Variants in ADPRH observed in about 807,000 individuals in gnomAD.
ADPRH encodes ADP-ribose-L-arginine cleaving enzyme.
In ADPRH, 27 loss-of-function variants were observed where a neutral mutation model predicts 28.8. That is an observed-to-expected ratio of 0.94 (90% CI 0.69 to 1.29). The LOEUF (loss-of-function observed/expected upper bound fraction) is 1.29. Ranked by LOEUF, ADPRH falls within the 50% of genes most tolerant of loss-of-function variation. ADPRH has a pLI of 0.00. For synonymous variants in ADPRH, 161 were observed against 166.9 expected (o/e 0.96, Z 0.27); for missense variants, 419 against 444.8 (o/e 0.94, Z 0.52).
At chr3:119,585,361 A>G (rs2082448334) in intron 3 of ADPRH, among the ~76,000 whole-genome samples, 1 of 152,080 alleles carries the variant, frequency 6.6e-6, no homozygotes. Context: ...AGGTCGGGGG[A>G]CAAGCCTGCT....
chr3:119,584,877 C>G lies in ADPRH; in HGVS notation c.299-1408C>G, dbSNP rs573952870. 5.9e-5 allele frequency among the ~76,000 whole-genome samples: 9 copies of G among 152,294 alleles called. 2 individuals are homozygous for G. In the South Asian group the frequency reaches 1.9e-3, roughly 32 times the overall value. Reference sequence around the variant, plus strand: ...GCAGATGGCTGCCTCCTCGCTGTGTCCTCACATGGTCTTTCCTCTGTGTGC... The same window carrying G: ...GCAGATGGCTGCCTCCTCGCTGTGTGCTCACATGGTCTTTCCTCTGTGTGC... On this transcript the variant is annotated intron_variant, in intron 3 of 4. Transcript: ENST00000357003.
At chr3:119,583,418 T>TC (rs2082425925) in intron 3 of ADPRH, among the ~76,000 whole-genome samples, 1 of 152,182 alleles carries the variant, frequency 6.6e-6, no homozygotes, top group Admixed American at 6.5e-5. Context: ...GATATGCTAA[T>TC]TAGCCTGATC....
In ADPRH at chr3:119,586,506, G is replaced by C; in HGVS notation, c.520G>C (p.Ala174Pro). 1.2e-6 allele frequency: 2 copies of C among 1,614,202 alleles called. No homozygotes were observed. Among genetic ancestry groups the C allele is most frequent in the South Asian group, 1.1e-5 (1 of 91,084 alleles). The change falls in exon 4 of 5, where the codon GCG (alanine) becomes CCG (proline). Residue 174 changes from alanine to proline, a missense_variant. Physicochemically the swap from Ala to Pro is conservative, Grantham distance 27 (BLOSUM62 -1). Coordinates refer to ENST00000357003, the MANE Select transcript of ADPRH (RefSeq NM_001125.4). ...HHPTGYLGAL[A>P]SALFTAYAVN... ...CCCAACAGGCTACCTGGGGGCCCTT[G>C]CGTCTGCTCTTTTTACAGCCTATGC...
chr3:119,580,920 A>G (rs977179038), intron 2 of ADPRH, among the ~76,000 whole-genome samples: 1 of 152,174 alleles, frequency 6.6e-6, no homozygotes, highest in African/African-American at 2.4e-5. Flanking sequence ...TAAGAGAAAC[A>G]ATATTTAAAC....
Position 119,589,535 on chromosome 3 carries a change from T to C in ADPRH, c.*1657T>C, listed in dbSNP as rs1440489900. On this transcript the variant is annotated 3_prime_UTR_variant, in exon 5 of 5. Transcript: ENST00000357003. Reference sequence around the variant, plus strand: ...ATGTTTTTCCAAGTCCTTCCAGTCTTTTTAGAACGTGGTGGAGGAGGGTTG... The same window carrying C: ...ATGTTTTTCCAAGTCCTTCCAGTCTCTTTAGAACGTGGTGGAGGAGGGTTG... 2.6e-5 allele frequency: 4 copies of C among 152,214 alleles called. No individual in the cohort carries two copies. Among genetic ancestry groups the C allele is most frequent in the African/African-American group, 4.8e-5 (2 of 41,444 alleles). 9.4% of individuals were successfully genotyped at this position (152,214 alleles called of 1,614,324 possible).
At chr3:119,582,075 T>C (rs2107759215) in intron 2 of ADPRH, 59 bp from the exon 3 acceptor site, 5 of 1,079,048 alleles carry the variant, frequency 4.6e-6, no homozygotes, top group Non-Finnish European at 6.5e-6. Flanking sequence ...AGAGTCGTTG[T>C]TTTTTCTGAT....
At position 119,589,446 on chromosome 3, in the gene ADPRH, G is replaced by T. The variant is rs1030031001; in HGVS notation, c.*1568G>T. ...TTGTGAAATCCCTGGTTTTCAGCTG[G>T]AAGCGGTGGGTAAATGAGGTCTGAT... On this transcript the variant is annotated 3_prime_UTR_variant, in exon 5 of 5. Coordinates refer to ENST00000357003, the MANE Select transcript of ADPRH (RefSeq NM_001125.4). The T allele has an allele frequency of 2.0e-5, 3 of 152,176 alleles. No homozygotes were observed. Among genetic ancestry groups the T allele is most frequent in the Non-Finnish European group, 4.4e-5 (3 of 68,046 alleles). 9.4% of individuals were successfully genotyped at this position (152,176 alleles called of 1,614,324 possible).
intron 3 of ADPRH, among the ~76,000 whole-genome samples, chr3:119,582,768 T>C (rs1336464861): frequency 6.6e-6 from 1 of 152,106 alleles, no homozygotes; most frequent in East Asian, 1.9e-4. Flanking sequence ...CCGTGGCTTG[T>C]TAGGAACTGG....
At position 119,588,488 on chromosome 3, in the gene ADPRH, A is replaced by T. The variant is rs1467705092; in HGVS notation, c.*610A>T. 1 of 152,208 alleles carries T rather than the reference A, an allele frequency of 6.6e-6. No individual in the cohort carries two copies. Among genetic ancestry groups the T allele is most frequent in the Non-Finnish European group, 1.5e-5 (1 of 68,060 alleles). 9.4% of individuals were successfully genotyped at this position (152,208 alleles called of 1,614,324 possible). ...CACTGGTTGAGGACCACTGCCAGGGATGCTAACTCCCTGGTAATTCTTGGC... is the reference window on the plus strand; with the variant it reads ...CACTGGTTGAGGACCACTGCCAGGGTTGCTAACTCCCTGGTAATTCTTGGC... On this transcript the variant is annotated 3_prime_UTR_variant, in exon 5 of 5. Coordinates refer to ENST00000357003, the MANE Select transcript of ADPRH (RefSeq NM_001125.4).
intron 4 of ADPRH, 134 bp downstream of exon 4, chr3:119,586,779 T>C (rs558223215): frequency 1.0e-5 from 13 of 1,285,418 alleles, no homozygotes; most frequent in Non-Finnish European, 1.3e-5. Context: ...TTTCTACCCA[T>C]CTGCTAAGGA....
At position 119,587,486 on chromosome 3, in the gene ADPRH, GA is replaced by G; in HGVS notation, c.686del (p.Asn229IlefsTer3). 3 of 1,553,316 alleles carry G rather than the reference GA, an allele frequency of 1.9e-6. No individual in the cohort carries two copies. Among genetic ancestry groups the G allele is most frequent in the Non-Finnish European group, 2.6e-6 (3 of 1,148,896 alleles). On this transcript the variant is annotated frameshift_variant, in exon 5 of 5. Transcript: ENST00000357003. LOFTEE classifies it high-confidence loss of function. ...QHWSYFQTKWENYLKLRGILD... is the reference protein window; with the variant it reads ...QHWSYFQTKWXNYLKLRGILD... ...CAGGTCCTACTTCCAAACCAAATGGGAAAATTACCTAAAACTTAGAGGGATT... is the reference window on the plus strand; with the variant it reads ...CAGGTCCTACTTCCAAACCAAATGGGAAATTACCTAAAACTTAGAGGGATT...
Position 119,586,561 on chromosome 3 carries a change from G to T in ADPRH, c.575G>T (p.Gly192Val). Reference sequence around the variant, plus strand: ...AATAGCAGACCACCCTTGCAGTGGGGAAAAGGACTGATGGAGCTGCTACCA... The same window carrying T: ...AATAGCAGACCACCCTTGCAGTGGGTAAAAGGACTGATGGAGCTGCTACCA... The part of the protein sequence containing the change: ...AVNSRPPLQW[G>V]KGLMELLPEA... Residue 192 changes from glycine (G) to valine (V), a missense_variant, in exon 4 of 5, where the codon GGA becomes GTA. Transcript: ENST00000357003. The T allele has an allele frequency of 6.2e-7, 1 of 1,614,144 alleles. No individual in the cohort carries two copies. Among genetic ancestry groups the T allele is most frequent in the South Asian group, 1.1e-5 (1 of 91,084 alleles).
Position 119,589,838 on chromosome 3 carries a change from GAA to G in ADPRH, c.*1962_*1963del, listed in dbSNP as rs1483370439. ...TTTATGTGTGTGTATGTGTGTCAGA[GAA>G]AGAGAGAGAGAGAGAGAGAAGGGAG... is the stretch of plus-strand genomic sequence containing the variant. On this transcript the variant is annotated 3_prime_UTR_variant, in exon 5 of 5. Transcript: ENST00000357003. 1 of 150,844 alleles carries G rather than the reference GAA, an allele frequency of 6.6e-6. No individual in the cohort carries two copies. Among genetic ancestry groups the G allele is most frequent in the Non-Finnish European group, 1.5e-5 (1 of 67,986 alleles). The allele number at this position is 150,844 out of a possible 1,614,324, so 9.3% of individuals were successfully genotyped here. A position where few individuals can be genotyped will look rare whatever the true frequency, so the allele number is the denominator to read the frequency against.
chr3:119,586,495 TG>T lies in ADPRH; in HGVS notation c.514del (p.Ala172ProfsTer12). 1 of 1,614,226 alleles carries T rather than the reference TG, an allele frequency of 6.2e-7. No individual in the cohort carries two copies. The highest frequency in any genetic ancestry group is 1.1e-5 in the South Asian group (1 of 91,086). On this transcript the variant is annotated frameshift_variant, in exon 4 of 5. Transcript: ENST00000357003. LOFTEE classifies it high-confidence loss of function. ...ACCCACCACCACCCAACAGGCTACCTGGGGGCCCTTGCGTCTGCTCTTTTTA... is the reference window on the plus strand; with the variant it reads ...ACCCACCACCACCCAACAGGCTACCTGGGGCCCTTGCGTCTGCTCTTTTTA... ...RMTHHHPTGY[L>X]GALASALFTA... is the part of the protein sequence containing the mutation.
Position 119,582,134 on chromosome 3 carries a change from A to G in ADPRH, c.-36A>G. On this transcript the variant is annotated splice_region_variant and 5_prime_UTR_variant, in exon 3 of 5. Coordinates refer to ENST00000357003, the MANE Select transcript of ADPRH (RefSeq NM_001125.4). ...CCTTTGTCTTAATTTCCCCACAAAG[A>G]CACCCTCTCCAGAGCCCAGCAATTG... 6 of 1,542,630 alleles carry G rather than the reference A, an allele frequency of 3.9e-6. No individual in the cohort carries two copies. Among genetic ancestry groups the G allele is most frequent in the South Asian group, 2.5e-5 (2 of 80,692 alleles).
intron 1 of ADPRH, chr3:119,580,061 A>T (rs921175285): frequency 2.0e-5 from 3 of 152,276 alleles, no homozygotes; most frequent in African/African-American, 7.2e-5. Flanking sequence ...GACCCGTGAA[A>T]GTTCAGAGGA....
In ADPRH at chr3:119,588,116, AG is replaced by A. The variant is rs1240210820; in HGVS notation, c.*239del. ...CAATTGATAGGGTCAGCGTCTCGCAAGCAAAAAATCTCATGACCTCATATTT... is the reference window on the plus strand; with the variant it reads ...CAATTGATAGGGTCAGCGTCTCGCAACAAAAAATCTCATGACCTCATATTT... On this transcript the variant is annotated 3_prime_UTR_variant, in exon 5 of 5. Transcript: ENST00000357003. The A allele has an allele frequency of 5.4e-6, 2 of 369,900 alleles. No homozygotes were observed. The highest frequency in any genetic ancestry group is 2.1e-5 in the African/African-American group (1 of 48,034). 22.9% of individuals were successfully genotyped at this position (369,900 alleles called of 1,614,324 possible). A position where few individuals can be genotyped will look rare whatever the true frequency, so the allele number is the denominator to read the frequency against.
intron 4 of ADPRH, among the ~76,000 whole-genome samples, chr3:119,587,119 T>C (rs2107763592): frequency 6.6e-6 from 1 of 152,386 alleles, no homozygotes; most frequent in African/African-American, 2.4e-5. Flanking sequence ...GGCTTTCTGC[T>C]GAAGTCACCC....
Position 119,587,975 on chromosome 3 carries a change from G to C in ADPRH, c.*97G>C. On this transcript the variant is annotated 3_prime_UTR_variant, in exon 5 of 5. Transcript: ENST00000357003. Reference sequence around the variant, plus strand: ...TTCCAAAGTCAAGAGTCTTAACCTTGTACTCAGGGAATTTTGAGATAACAA... The same window carrying C: ...TTCCAAAGTCAAGAGTCTTAACCTTCTACTCAGGGAATTTTGAGATAACAA... 1 of 1,362,878 alleles carries C rather than the reference G, an allele frequency of 7.3e-7. No individual in the cohort carries two copies. The highest frequency in any genetic ancestry group is 2.5e-5 in the Admixed American group (1 of 40,606). The allele number at this position is 1,362,878 out of a possible 1,614,324, so 84.4% of individuals were successfully genotyped here.
Sources: allele counts gnomAD v4.1 joint callset (sites outside exome capture counted in the v4.1 genomes callset), GRCh38; gene constraint gnomAD v4.1.1; transcripts MANE v1.5; gene names NCBI Gene and HGNC (gene_info 2026-07-23, HGNC 2026-07-21).